The following NXF1 variants were observed in gnomAD, a reference collection of about 807,000 sequenced individuals.
NXF1 encodes the protein nuclear RNA export factor 1.
A neutral mutation model predicts 92.4 loss-of-function variants in NXF1; 43 were observed. The observed-to-expected ratio is 0.47, with a 90% CI of 0.36 to 0.60. The LOEUF (loss-of-function observed/expected upper bound fraction) is 0.60. Among genes scored for constraint, NXF1 ranks in the 20% least tolerant of loss-of-function variants. NXF1 has a pLI of 0.00. For synonymous variants in NXF1, 288 were observed against 292.2 expected (o/e 0.99, Z 0.15); for missense variants, 576 against 793.0 (o/e 0.73, Z 3.29).
chr11:62,792,562 A>G (rs1463322260), intron 20 of NXF1, 48 bp from the exon 21 acceptor site: 1 of 1,610,862 alleles, frequency 6.2e-7, no homozygotes, highest in South Asian at 1.1e-5. Flanking sequence ...CTCGCCACTC[A>G]GCAACCCCAC....
Position 62,804,081 on chromosome 11 carries a change from C to T in NXF1, c.29-103G>A, listed in dbSNP as rs1403960615. 6 of 1,594,828 alleles carry T rather than the reference C, an allele frequency of 3.8e-6. No homozygotes were observed. In the South Asian group the frequency reaches 5.5e-5, roughly 15 times the overall value. ...TCTGAACTATTGGAAGAGATACATA[C>T]TAACGACAGAGGCCATCTCCATGCA... On this transcript the variant is annotated intron_variant, in intron 1 of 20. Transcript: ENST00000294172.
At chr11:62,792,834 A>C in intron 19 of NXF1, 133 bp from the exon 20 acceptor site, 1 of 703,778 alleles carries the variant, frequency 1.4e-6, no homozygotes, top group Non-Finnish European at 2.4e-6. Flanking sequence ...ATTTATACAA[A>C]TGAGACATTA....
At chr11:62,802,342 T>C in intron 3 of NXF1, 82 bp from the exon 4 acceptor site, 1 of 1,150,498 alleles carries the variant, frequency 8.7e-7, no homozygotes, top group South Asian at 1.3e-5. Flanking sequence ...TTATACCTTC[T>C]ACCAAACTTT....
At chr11:62,796,977 G>GTTC (rs2084427391) in intron 13 of NXF1, 1 of 573,168 alleles carries the variant, frequency 1.7e-6, no homozygotes, top group Non-Finnish European at 3.1e-6. Context: ...TGAGGCAGGA[G>GTTC]AATCACTTGA....
rs544764837 is a variant in NXF1 at position 62,797,704 on chromosome 11, T to C, written c.1054-318A>G. Among the ~76,000 whole-genome samples, 7 of 151,960 alleles carry C rather than the reference T, an allele frequency of 4.6e-5. No individual in the cohort carries two copies. In the East Asian group the frequency reaches 1.4e-3, roughly 29 times the overall value. ...CTGGATGACAGAGCCAGACCCTGTC[T>C]CAAAAAACAAAACAAACAAAAAAGA... On this transcript the variant is annotated intron_variant, in intron 11 of 20. Transcript: ENST00000294172.
chr11:62,798,893 G>C, intron 10 of NXF1: 1 of 1,156,438 alleles, frequency 8.6e-7, no homozygotes, highest in South Asian at 2.8e-5. Flanking sequence ...CTACTCACCT[G>C]TGCAGCCCCG....
At chr11:62,795,827 A>C (rs1190435830) in intron 17 of NXF1, 74 bp downstream of exon 17, 34 of 1,346,130 alleles carry the variant, frequency 2.5e-5, no homozygotes, top group Middle Eastern at 2.0e-4. Flanking sequence ...GTAGCTGGGA[A>C]GCTAAGAGTG....
chr11:62,799,641 C>G, intron 10 of NXF1: 1 of 985,686 alleles, frequency 1.0e-6, no homozygotes, highest in African/African-American at 1.7e-5. Flanking sequence ...AGGCAGCGCC[C>G]CCGAGGGGGT....
intron 11 of NXF1, 47 bp from the exon 12 acceptor site, chr11:62,797,433 C>A: frequency 6.5e-7 from 1 of 1,537,556 alleles, no homozygotes; most frequent in Non-Finnish European, 8.9e-7. Flanking sequence ...GGCCCAGTGG[C>A]TCACACCTGT....
At chr11:62,800,081 T>C (rs2084461945) in intron 10 of NXF1, 1 of 1,241,494 alleles carries the variant, frequency 8.1e-7, no homozygotes, top group East Asian at 3.7e-5. Context: ...AAAGGGGAGA[T>C]GCCTTTCCTG....
intron 11 of NXF1, among the ~76,000 whole-genome samples, chr11:62,797,746 C>G (rs986813602): frequency 6.6e-6 from 1 of 151,982 alleles, no homozygotes; most frequent in African/African-American, 2.4e-5. Context: ...ACAGTTTAAA[C>G]CAGAGAGAAA....
In NXF1 at chr11:62,801,385, T is replaced by G. The variant is rs1297100567; in HGVS notation, c.742A>C (p.Asn248His). 6.2e-7 allele frequency: 1 copy of G among 1,614,166 alleles called. No homozygotes were observed. Among genetic ancestry groups the G allele is most frequent in the Admixed American group, 1.7e-5 (1 of 60,026 alleles). The part of the protein sequence containing the change: ...LVAQNIDVVL[N>H]RRSCMAATLR... Reference sequence around the variant, plus strand: ...GTAGCTGCCATACAGCTTCTGCGATTCAGGACAACGTCAATGTTCTGGGCC... The same window carrying G: ...GTAGCTGCCATACAGCTTCTGCGATGCAGGACAACGTCAATGTTCTGGGCC... Residue 248 changes from asparagine to histidine, a missense_variant, in exon 8 of 21, where the codon AAT becomes CAT. Asn to His is a moderately conservative substitution (Grantham distance 68). Around this residue, in one of 2 missense-constraint regions of NXF1, gnomAD observed 425 missense variants for 635.2 expected, o/e 0.67. Transcript: ENST00000294172.
In NXF1 at chr11:62,795,763, G is replaced by C. The variant is rs595108; in HGVS notation, c.1504+138C>G. 5,090 of 827,350 alleles carry C rather than the reference G, an allele frequency of 6.2e-3. 165 individuals are homozygous for C. The African/African-American group carries it at 0.074, about 12-fold the overall frequency. The allele number at this position is 827,350 out of a possible 1,614,324, so 51.3% of individuals were successfully genotyped here. On this transcript the variant is annotated intron_variant, in intron 17 of 20. Coordinates refer to ENST00000294172, the MANE Select transcript of NXF1 (RefSeq NM_006362.5). The stretch of plus-strand genomic sequence containing the variant: ...CAGGTGGAGAGGTAGGCCAAGCCAA[G>C]ACGGCTTGGGGGCAGAATGGGAGAA...
chr11:62,805,109 G>A, intron 1 of NXF1: 1 of 394,576 alleles, frequency 2.5e-6, no homozygotes, highest in East Asian at 4.0e-5. Flanking sequence ...CTACCCCCGA[G>A]CCATCCGCTC....
intron 10 of NXF1, chr11:62,798,825 CAAGCCCAGGCTTT>C (rs1285959145): frequency 3.1e-6 from 4 of 1,309,006 alleles, no homozygotes; most frequent in Non-Finnish European, 3.9e-6. Context: ...AGCAGTACTC[CAAGCCCAGGCTTT>C]AAGCCCAGGA....
In NXF1 at chr11:62,796,507, C is replaced by T; in HGVS notation, c.1239G>A (p.Gly413=). Residue 413 remains glycine, a synonymous_variant, in exon 14 of 21, where the codon GGG becomes GGA. Transcript: ENST00000294172. The part of the protein sequence containing the change: ...RQGLLDAYHD[G]ACCSLSIPFI... ...AAGGAATGCTCAGGGAACAGCAGGC[C>T]CCATCATGGTAGGCATCCAGGAGCC... 6.2e-7 allele frequency: 1 copy of T among 1,614,026 alleles called. No homozygotes were observed. The highest frequency in any genetic ancestry group is 8.5e-7 in the Non-Finnish European group (1 of 1,179,982).
intron 1 of NXF1, among the ~76,000 whole-genome samples, chr11:62,804,907 G>A (rs2084517848): frequency 2.0e-5 from 3 of 152,122 alleles, no homozygotes; most frequent in Admixed American, 2.0e-4. Context: ...AGAATATCCA[G>A]TTGATGTGTA....
chr11:62,796,938 A>T, intron 13 of NXF1: 1 of 570,854 alleles, frequency 1.8e-6, no homozygotes, highest in Non-Finnish European at 3.1e-6. Flanking sequence ...GCAGTGGCAC[A>T]CACCTGTAGT....
At chr11:62,800,294 A>G in intron 10 of NXF1, 83 bp downstream of exon 10, 1 of 1,599,074 alleles carries the variant, frequency 6.3e-7, no homozygotes, top group Non-Finnish European at 8.5e-7. Context: ...ACATCTCCGC[A>G]GACGGGCCCT....
Sources: gnomAD v4.1 joint callset for allele counts (sites outside exome capture counted in the v4.1 genomes callset) on GRCh38, gnomAD v4.1.1 for gene constraint, gnomAD v4.1.1 regional missense constraint, MANE v1.5 for transcripts, NCBI Gene and HGNC (gene_info 2026-07-23, HGNC 2026-07-21) for gene names.